FBXL2: variants seen among roughly 807,000 people sequenced by gnomAD.
The protein encoded by FBXL2 is F-box/LRR-repeat protein 2.
FBXL2 carries 38 observed loss-of-function variants against 69.2 expected under a neutral mutation model. The observed-to-expected ratio is 0.55, with a 90% CI of 0.42 to 0.72. The LOEUF is 0.72. FBXL2 is among the 30% of genes least tolerant of loss of function. The probability of loss-of-function intolerance (pLI) is 0.00; values close to 1 mark genes in which losing one functional copy is unlikely to be tolerated. For missense variants in FBXL2, 354 were observed against 520.3 expected, an observed-to-expected ratio of 0.68 and a Z score of 3.11; for synonymous variants, 192 against 201.3, an observed-to-expected ratio of 0.95 and a Z score of 0.39.
intron 2 of FBXL2, among the ~76,000 whole-genome samples, chr3:33,356,968 GGCTTGT>G (rs1191552273): frequency 6.6e-6 from 1 of 152,140 alleles, no homozygotes; most frequent in East Asian, 1.9e-4. Context: ...TAGTGGTCAT[GGCTTGT>G]GCTCTTGAAC....
In FBXL2 at chr3:33,277,465, C is replaced by T. The variant is rs2033385690; in HGVS notation, c.-48C>T. ...GCGTCACCAGGACAACGGGCGTCGC[C>T]GGCGCCGTGTGACTTCGGGCTGTGG... On this transcript the variant is annotated 5_prime_UTR_variant, in exon 1 of 15. Transcript: ENST00000484457. 3.9e-6 allele frequency: 5 copies of T among 1,269,552 alleles called. No homozygotes were observed. Among genetic ancestry groups the T allele is most frequent in the Non-Finnish European group, 4.0e-6 (4 of 1,000,836 alleles). The allele number at this position is 1,269,552 out of a possible 1,614,324, so 78.6% of individuals were successfully genotyped here.
intron 2 of FBXL2, among the ~76,000 whole-genome samples, chr3:33,354,251 C>T (rs570483012): frequency 2.6e-5 from 4 of 152,086 alleles, no homozygotes; most frequent in South Asian, 4.2e-4. Context: ...CAGTGGTTCA[C>T]GCCTGTAATC....
At chr3:33,349,939 G>C (rs929376049) in intron 2 of FBXL2, among the ~76,000 whole-genome samples, 23 of 152,208 alleles carry the variant, frequency 1.5e-4, no homozygotes, top group Admixed American at 9.8e-4. Flanking sequence ...CCCGGATGGT[G>C]GTTTTACTGG....
chr3:33,379,857 AACTG>A (rs376224534), intron 13 of FBXL2, among the ~76,000 whole-genome samples: 73 of 152,318 alleles, frequency 4.8e-4, no homozygotes, highest in African/African-American at 1.7e-3. Flanking sequence ...AATATTTGAA[AACTG>A]ACTGATGTAA....
chr3:33,386,706 C>G lies in FBXL2; in HGVS notation c.*1098C>G, dbSNP rs1425458461. The G allele has an allele frequency of 6.6e-6, 1 of 152,150 alleles. No individual in the cohort carries two copies. The highest frequency in any genetic ancestry group is 6.5e-5 in the Admixed American group (1 of 15,276). The allele number at this position is 152,150 out of a possible 1,614,324, so 9.4% of individuals were successfully genotyped here. A position where few individuals can be genotyped will look rare whatever the true frequency, so the allele number is the denominator to read the frequency against. ...AGCAAAACCATTTTCCAAATGCAGA[C>G]CTTCCTGATGTTATCTGAAATCTGA... On this transcript the variant is annotated 3_prime_UTR_variant, in exon 15 of 15. Coordinates refer to ENST00000484457, the MANE Select transcript of FBXL2 (RefSeq NM_012157.5).
At chr3:33,412,395 G>A in the FBXL2 span, among the ~76,000 whole-genome samples, 21 of 151,670 alleles carry the variant, frequency 1.4e-4, no homozygotes, top group African/African-American at 3.1e-4. Flanking sequence ...ATGTGTGTGC[G>A]TATGTATATA....
intron 2 of FBXL2, among the ~76,000 whole-genome samples, chr3:33,338,934 C>T (rs186779795): frequency 1.4e-4 from 21 of 152,066 alleles, no homozygotes; most frequent in Non-Finnish European, 2.6e-4. Context: ...GTGGGACCTA[C>T]GTAAACTAAA....
At chr3:33,398,478 A>T (rs898488974) in intron 12 of FBXL2, 2 of 152,210 alleles carry the variant, frequency 1.3e-5, no homozygotes, top group Admixed American at 6.5e-5. Context: ...CCCTTAACCC[A>T]TACAGAGAAC....
At chr3:33,420,630 A>C in the FBXL2 span, among the ~76,000 whole-genome samples, 1 of 152,102 alleles carries the variant, frequency 6.6e-6, no homozygotes, top group African/African-American at 2.4e-5. Flanking sequence ...CTGGGACTAC[A>C]GGCACATGCC....
intron 2 of FBXL2, among the ~76,000 whole-genome samples, chr3:33,312,103 C>G (rs1436176653): frequency 6.6e-6 from 1 of 152,140 alleles, no homozygotes; most frequent in Admixed American, 6.5e-5. Flanking sequence ...GTCACCCAGA[C>G]TGGAGTGCAA....
chr3:33,408,613 T>C, downstream of FBXL2: 7 of 1,214,638 alleles, frequency 5.8e-6, no homozygotes, highest in South Asian at 9.7e-5. Context: ...GGCTTTACTT[T>C]GCGGTGGAAG....
intron 5 of FBXL2, 70 bp downstream of exon 5, chr3:33,364,789 C>A: frequency 8.3e-7 from 1 of 1,205,470 alleles, no homozygotes; most frequent in Non-Finnish European, 1.2e-6. Flanking sequence ...TAAACCAAGC[C>A]TATTACATGC....
At chr3:33,289,009 C>T (rs2034947429) in intron 1 of FBXL2, among the ~76,000 whole-genome samples, 1 of 151,888 alleles carries the variant, frequency 6.6e-6, no homozygotes, top group Non-Finnish European at 1.5e-5. Flanking sequence ...GAAGGAACTG[C>T]CATTTGCTGA....
intron 12 of FBXL2, chr3:33,402,767 T>G (rs1055728217): frequency 6.3e-6 from 9 of 1,435,342 alleles, no homozygotes; most frequent in South Asian, 1.4e-5. Context: ...GAGCATTAGT[T>G]AGCTGCAGGC....
chr3:33,289,812 G>A, intron 1 of FBXL2: 1 of 984,838 alleles, frequency 1.0e-6, no homozygotes, highest in Non-Finnish European at 1.2e-6. Context: ...GGATTCTGCT[G>A]AAGGTTGGGG....
chr3:33,346,320 A>G (rs550655576), intron 2 of FBXL2, among the ~76,000 whole-genome samples: 1 of 152,266 alleles, frequency 6.6e-6, no homozygotes, highest in African/African-American at 2.4e-5. Context: ...AAAGCAAGCT[A>G]AAGAAATGAA....
At chr3:33,359,853 T>C (rs1341580855) in intron 4 of FBXL2, among the ~76,000 whole-genome samples, 1 of 152,176 alleles carries the variant, frequency 6.6e-6, no homozygotes, top group Non-Finnish European at 1.5e-5. Context: ...TTAAGTCTTA[T>C]ACAATTATTA....
intron 2 of FBXL2, among the ~76,000 whole-genome samples, chr3:33,322,242 T>TA (rs1399327237): frequency 2.0e-5 from 3 of 151,868 alleles, no homozygotes; most frequent in Non-Finnish European, 4.4e-5. Context: ...CATGCCTGGC[T>TA]AATTCTTTTA....
chr3:33,405,079 A>C (rs2044381116), downstream of FBXL2, among the ~76,000 whole-genome samples: 1 of 152,208 alleles, frequency 6.6e-6, no homozygotes, highest in South Asian at 2.1e-4. Context: ...TTAAAAATTA[A>C]ATTTCAATTT....
Sources: allele counts gnomAD v4.1 joint callset (sites outside exome capture counted in the v4.1 genomes callset), GRCh38; gene constraint gnomAD v4.1.1; transcripts MANE v1.5; gene names NCBI Gene and HGNC (gene_info 2026-07-23, HGNC 2026-07-21).